The following TMEM132C variants were observed in gnomAD, a reference collection of about 807,000 sequenced individuals.
TMEM132C encodes protein phosphatase 1, regulatory subunit 152.
Under a neutral mutation model 61.4 loss-of-function variants are expected in TMEM132C, and 29 were observed. That is an observed-to-expected ratio of 0.47 (90% CI 0.35 to 0.64). The LOEUF (loss-of-function observed/expected upper bound fraction) is 0.64. TMEM132C is among the 30% of genes least tolerant of loss of function. TMEM132C has a pLI of 0.00. For missense variants in TMEM132C, 1,408 were observed against 1,476.9 expected, an observed-to-expected ratio of 0.95 and a Z score of 0.76; for synonymous variants, 656 against 633.1, an observed-to-expected ratio of 1.04 and a Z score of -0.54.
Position 128,707,490 on chromosome 12 carries a change from A to G in TMEM132C, c.*1195A>G, listed in dbSNP as rs181151061. 6.6e-6 allele frequency: 1 copy of G among 152,252 alleles called. No individual in the cohort carries two copies. The allele number at this position is 152,252 out of a possible 1,614,324, so 9.4% of individuals were successfully genotyped here. A position where few individuals can be genotyped will look rare whatever the true frequency, so the allele number is the denominator to read the frequency against. ...AGCATAAACTCTAAAGATAAAATCTATGTTAGATTGTCAATCAACTGTGTT... is the reference window on the plus strand; with the variant it reads ...AGCATAAACTCTAAAGATAAAATCTGTGTTAGATTGTCAATCAACTGTGTT... On this transcript the variant is annotated 3_prime_UTR_variant, in exon 9 of 9. Transcript: ENST00000435159.
chr12:128,696,393 C>T (rs1399419032), intron 7 of TMEM132C, among the ~76,000 whole-genome samples: 1 of 152,170 alleles, frequency 6.6e-6, no homozygotes, highest in Non-Finnish European at 1.5e-5. Flanking sequence ...CCTTCTTAGT[C>T]CACACTTTTC....
intron 1 of TMEM132C, among the ~76,000 whole-genome samples, chr12:128,360,245 GAC>G (rs145728632): frequency 0.021 from 2,996 of 146,034 alleles, 60 homozygotes; most frequent in African/African-American, 0.06. Flanking sequence ...GATAAAGGAC[GAC>G]ACACACACAC....
At chr12:128,549,358 G>C (rs1210280972) in intron 3 of TMEM132C, among the ~76,000 whole-genome samples, 2 of 152,040 alleles carry the variant, frequency 1.3e-5, no homozygotes, top group African/African-American at 4.8e-5. Context: ...AGACATACGG[G>C]GTGGGTGAGT....
At chr12:128,566,327 A>G (rs921883437) in intron 3 of TMEM132C, among the ~76,000 whole-genome samples, 8 of 152,212 alleles carry the variant, frequency 5.3e-5, no homozygotes, top group African/African-American at 1.9e-4. Context: ...TAGAAAAAAA[A>G]TGATTGACAT....
chr12:128,673,626 T>A (rs1405419142), intron 5 of TMEM132C, among the ~76,000 whole-genome samples: 2 of 152,238 alleles, frequency 1.3e-5, no homozygotes, highest in African/African-American at 2.4e-5. Flanking sequence ...AAAAATAGTC[T>A]ATGCTCTGTT....
At chr12:128,440,998 G>A (rs555494689) in intron 2 of TMEM132C, among the ~76,000 whole-genome samples, 209 of 152,190 alleles carry the variant, frequency 1.4e-3, no homozygotes, top group South Asian at 2.9e-3. Context: ...CTCAGATCGC[G>A]CCACTGCACT....
At chr12:128,417,919 A>T (rs926314465) in intron 2 of TMEM132C, among the ~76,000 whole-genome samples, 3 of 152,180 alleles carry the variant, frequency 2.0e-5, no homozygotes, top group African/African-American at 7.2e-5. Context: ...TGACAGGAGT[A>T]TTTGTAGCAC....
In TMEM132C at chr12:128,456,203, C is replaced by T. The variant is rs568186208; in HGVS notation, c.974+40583C>T. Among the ~76,000 whole-genome samples the T allele has an allele frequency of 3.2e-3, 489 of 152,116 alleles. 1 individual carries two copies. The highest frequency in any genetic ancestry group is 5.6e-3 in the Non-Finnish European group (383 of 67,994). On this transcript the variant is annotated intron_variant, in intron 2 of 8. Transcript: ENST00000435159. ...CTCTCTTAGTTTCAGGCAACAGAAT[C>T]TTGACAGCAGACACACAAAGACTAA...
chr12:128,597,621 T>C (rs1565986238), intron 3 of TMEM132C, among the ~76,000 whole-genome samples: 1 of 152,222 alleles, frequency 6.6e-6, no homozygotes, highest in Non-Finnish European at 1.5e-5. Flanking sequence ...CCTCCTATAC[T>C]TCCAGGTAGT....
At chr12:128,450,826 G>C (rs1051627893) in intron 2 of TMEM132C, among the ~76,000 whole-genome samples, 3 of 152,170 alleles carry the variant, frequency 2.0e-5, no homozygotes, top group African/African-American at 7.2e-5. Flanking sequence ...TTTGTGCTCT[G>C]ATTATGACGA....
chr12:128,354,491 C>A (rs1297714990), intron 1 of TMEM132C, among the ~76,000 whole-genome samples: 1 of 150,816 alleles, frequency 6.6e-6, no homozygotes, highest in African/African-American at 2.4e-5. Context: ...TCTGTCTTTT[C>A]CTTCTTTCTT....
chr12:128,298,308 A>G (rs1170896051), intron 1 of TMEM132C, among the ~76,000 whole-genome samples: 5 of 152,134 alleles, frequency 3.3e-5, no homozygotes, highest in South Asian at 2.1e-4. Flanking sequence ...GGCCATGTGC[A>G]TTGTGTTTTG....
chr12:128,289,480 C>T (rs1230270039), intron 1 of TMEM132C, among the ~76,000 whole-genome samples: 1 of 152,172 alleles, frequency 6.6e-6, no homozygotes, highest in Non-Finnish European at 1.5e-5. Flanking sequence ...TTAATGGTAA[C>T]TTTACAGTTT....
intron 2 of TMEM132C, among the ~76,000 whole-genome samples, chr12:128,457,217 G>A (rs1256502999): frequency 6.6e-6 from 1 of 151,274 alleles, no homozygotes; most frequent in Admixed American, 6.6e-5. Flanking sequence ...TTTTCAAAGT[G>A]GTTTTACACC....
chr12:128,375,821 A>G (rs536540433), intron 1 of TMEM132C, among the ~76,000 whole-genome samples: 21 of 152,194 alleles, frequency 1.4e-4, no homozygotes, highest in Non-Finnish European at 2.8e-4. Context: ...GGTATGTTCC[A>G]GGGAAAAGAG....
chr12:128,445,788 T>C (rs1293598035), intron 2 of TMEM132C, among the ~76,000 whole-genome samples: 1 of 152,046 alleles, frequency 6.6e-6, no homozygotes, highest in Non-Finnish European at 1.5e-5. Flanking sequence ...ATAGAGTAAA[T>C]GGTGATTTAA....
At chr12:128,294,959 C>T (rs759464367) in intron 1 of TMEM132C, among the ~76,000 whole-genome samples, 1 of 111,336 alleles carries the variant, frequency 9.0e-6, no homozygotes, top group Non-Finnish European at 1.9e-5. Flanking sequence ...GGAACCAATG[C>T]TTGGTGTGAG....
chr12:128,569,581 A>C (rs976646184), intron 3 of TMEM132C, among the ~76,000 whole-genome samples: 2 of 152,214 alleles, frequency 1.3e-5, no homozygotes, highest in South Asian at 4.1e-4. Flanking sequence ...AGCACAATTT[A>C]CATTTTCCAT....
At chr12:128,436,047 G>A (rs1253741776) in intron 2 of TMEM132C, among the ~76,000 whole-genome samples, 2 of 152,176 alleles carry the variant, frequency 1.3e-5, no homozygotes, top group Non-Finnish European at 2.9e-5. Flanking sequence ...AAGAAATGGG[G>A]AAAGGATTCC....
Sources: gnomAD v4.1 joint callset for allele counts (sites outside exome capture counted in the v4.1 genomes callset) on GRCh38, gnomAD v4.1.1 for gene constraint, MANE v1.5 for transcripts, NCBI Gene and HGNC (gene_info 2026-07-23, HGNC 2026-07-21) for gene names.